CFAP65: variants seen among roughly 807,000 people sequenced by gnomAD.
CFAP65 encodes the protein cilia- and flagella-associated protein 65.
CFAP65 carries 155 observed loss-of-function variants against 208.0 expected under a neutral mutation model. The ratio of observed to expected loss-of-function variants is 0.75; its 90% CI spans 0.65 to 0.85. The LOEUF (loss-of-function observed/expected upper bound fraction) is 0.85, where lower values mean the gene tolerates loss of function less well. Among genes scored for constraint, CFAP65 ranks in the 40% least tolerant of loss-of-function variants. The probability of loss-of-function intolerance (pLI) is 0.00; values close to 1 mark genes in which losing one functional copy is unlikely to be tolerated. For missense variants in CFAP65, 2,294 were observed against 2,451.3 expected, an observed-to-expected ratio of 0.94 and a Z score of 1.36; for synonymous variants, 970 against 986.3, an observed-to-expected ratio of 0.98 and a Z score of 0.31.
chr2:219,038,563 C>A lies in CFAP65; in HGVS notation c.169G>T (p.Ala57Ser). 1 of 1,613,800 alleles carries A rather than the reference C, an allele frequency of 6.2e-7. No homozygotes were observed. The highest frequency in any genetic ancestry group is 8.5e-7 in the Non-Finnish European group (1 of 1,179,830). Residue 57 changes from alanine to serine, a missense_variant, in exon 4 of 35, where the codon GCT becomes TCT. Transcript: ENST00000341552. ...TCCTTGGGACACAGTCCAAAGGGAG[C>A]ACTCTGAGTATGGAGCTGGGAAGAG... Reference protein sequence around the residue: ...KSQIKLHTQSAPFGLCPKDMM... With the variant: ...KSQIKLHTQSSPFGLCPKDMM...
At position 219,006,368 on chromosome 2, in the gene CFAP65, C is replaced by T. The variant is rs376899488; in HGVS notation, c.4719+97G>A. On this transcript the variant is annotated intron_variant, in intron 30 of 34. Transcript: ENST00000341552. The stretch of plus-strand genomic sequence containing the variant: ...TCATTGGCACTTTCATCCCTCCTTT[C>T]TGGGAGTCTGGTCCAGGGGTTGGAG... 124 of 1,530,442 alleles carry T rather than the reference C, an allele frequency of 8.1e-5. 2 individuals carry two copies. The East Asian group carries it at 1.1e-3, about 13-fold the overall frequency. The allele number at this position is 1,530,442 out of a possible 1,614,324, so 94.8% of individuals were successfully genotyped here.
At position 219,032,516 on chromosome 2, in the gene CFAP65, G is replaced by A. The variant is rs749412281; in HGVS notation, c.599C>T (p.Pro200Leu). Residue 200 changes from proline to leucine, a missense_variant, in exon 6 of 35, where the codon CCA (proline) becomes CTA (leucine). Around this residue, in one of 2 missense-constraint regions of CFAP65, gnomAD observed 867 missense variants for 1,012.6 expected, o/e 0.86. Transcript: ENST00000341552. This position sits in a 1 kb window ranked among gnomAD's most constrained non-coding sequence, Gnocchi z 5.5. ...GATGGGGAGCGTGAGGGTTATGCCT[G>A]GGCTCAGGAAGATGGGCTGAGGGAT... ...TVIPQPIFLS[P>L]GITLTLPIVF... 2.5e-6 allele frequency: 4 copies of A among 1,607,274 alleles called. No homozygotes were observed. The Admixed American group carries it at 5.1e-5, about 20-fold the overall frequency.
chr2:219,027,300 T>A (rs1947693707), intron 13 of CFAP65: 9 of 1,428,226 alleles, frequency 6.3e-6, no homozygotes, highest in Middle Eastern at 2.6e-4. Flanking sequence ...TCCTTTAGAG[T>A]GACCACTTCT....
At position 219,029,938 on chromosome 2, in the gene CFAP65, GCAGGGGCTGCTCCTGTCCC is replaced by G. The variant is rs1000239962; in HGVS notation, c.1384+29_1384+47del. On this transcript the variant is annotated intron_variant, in intron 10 of 34. Coordinates refer to ENST00000341552, the MANE Select transcript of CFAP65 (RefSeq NM_194302.4). ...GGGAAGGAGCTCTTCAGAATCCTCA[GCAGGGGCTGCTCCTGTCCC>G]CAGGGGAGGCCCCTGGGGTCACCGG... 19 of 1,555,754 alleles carry G rather than the reference GCAGGGGCTGCTCCTGTCCC, an allele frequency of 1.2e-5. No homozygotes were observed. In the African/African-American group the frequency reaches 2.3e-4, roughly 19 times the overall value.
rs1050295185 is a variant in CFAP65 at position 219,004,844 on chromosome 2, G to A, written c.5052-389C>T. ...GGTGGGGGGGCCGGGGGGGGGGACC[G>A]TGGTGGGATCTTGCAAAGAAGTTCT... On this transcript the variant is annotated intron_variant, in intron 32 of 34. Transcript: ENST00000341552. This position sits in a 1 kb window ranked among gnomAD's most constrained non-coding sequence, Gnocchi z 4.7. Among the ~76,000 whole-genome samples the A allele has an allele frequency of 4.6e-5, 7 of 151,432 alleles. No homozygotes were observed. The highest frequency in any genetic ancestry group is 2.0e-4 in the East Asian group (1 of 5,124).
intron 4 of CFAP65, among the ~76,000 whole-genome samples, chr2:219,036,086 C>T (rs58131656): frequency 6.6e-6 from 1 of 152,062 alleles, no homozygotes; most frequent in Admixed American, 6.5e-5. Flanking sequence ...CTAGCTAGAG[C>T]AGTCTATCCC....
intron 13 of CFAP65, 161 bp downstream of exon 13, chr2:219,027,489 G>T: frequency 6.3e-7 from 1 of 1,582,966 alleles, no homozygotes; most frequent in Non-Finnish European, 8.6e-7. Context: ...CAGGAGCTTT[G>T]GAGGAGACAA....
chr2:219,014,637 C>T (rs1450592312), intron 21 of CFAP65: 3 of 152,398 alleles, frequency 2.0e-5, no homozygotes, highest in Non-Finnish European at 4.4e-5. Flanking sequence ...AAAGGAGAAC[C>T]CATTTCACTC....
chr2:219,013,963 G>C lies in CFAP65; in HGVS notation c.3684C>G (p.His1228Gln), dbSNP rs1229402820. ...EQAELNSTEL[H>Q]QMRVQDNCLF... ...GGCAATTGTCCTGCACGCGCATCTG[G>C]TGGAGCTCAGTGGAATTCAACTCTG... The change falls in exon 22 of 35, where the codon CAC becomes CAG. Residue 1228 changes from histidine (H) to glutamine (Q), a missense_variant. By Grantham distance (24) the His-to-Gln change is conservative. This residue lies in a region of CFAP65 where 1,427 missense variants were observed against 1,438.7 expected (regional missense o/e 0.99). Transcript: ENST00000341552. 1.9e-6 allele frequency: 3 copies of C among 1,613,296 alleles called. No individual in the cohort carries two copies. In the African/African-American group the frequency reaches 4.0e-5, roughly 22 times the overall value.
At chr2:219,027,051 C>T (rs2106204897) in intron 13 of CFAP65, 1 of 1,011,794 alleles carries the variant, frequency 9.9e-7, no homozygotes, top group African/African-American at 1.7e-5. Context: ...TTTCTCTGGG[C>T]CCCAAGACCT....
At chr2:219,010,773 C>T in intron 25 of CFAP65, 32 bp downstream of exon 25, 1 of 1,589,556 alleles carries the variant, frequency 6.3e-7, no homozygotes, top group Non-Finnish European at 8.6e-7. Context: ...CAGCACCACC[C>T]CACCTCCCAC....
At position 219,038,882 on chromosome 2, in the gene CFAP65, A is replaced by G. The variant is rs941507243; in HGVS notation, c.153+14T>C. 4 of 1,597,754 alleles carry G rather than the reference A, an allele frequency of 2.5e-6. No individual in the cohort carries two copies. The highest frequency in any genetic ancestry group is 3.4e-6 in the Non-Finnish European group (4 of 1,171,226). On this transcript the variant is annotated intron_variant, in intron 3 of 34. Transcript: ENST00000341552. ...AGCAAGCTCCAGTGGGTGTTACTGA[A>G]GTGTGTGCATTACCTTTATCTGGCT...
At chr2:219,009,227 C>T (rs894664682) in intron 28 of CFAP65, 73 bp from the exon 29 acceptor site, 15 of 1,487,828 alleles carry the variant, frequency 1.0e-5, no homozygotes, top group Non-Finnish European at 1.4e-5. Context: ...GAGCCCTCTC[C>T]CTTCCAAGGG....
At chr2:219,005,319 C>G in intron 32 of CFAP65, 115 bp downstream of exon 32, 1 of 1,405,552 alleles carries the variant, frequency 7.1e-7, no homozygotes, top group Non-Finnish European at 1.0e-6. Flanking sequence ...AACCTCCATG[C>G]CCCACCAAGT....
chr2:219,027,588 A>C (rs1029722435), intron 13 of CFAP65, 62 bp downstream of exon 13: 8 of 1,613,068 alleles, frequency 5.0e-6, no homozygotes, highest in Non-Finnish European at 6.8e-6. Flanking sequence ...CTGCCACCCC[A>C]CCAAGCCACT....
Position 219,032,674 on chromosome 2 carries a change from C to G in CFAP65, c.543-102G>C. On this transcript the variant is annotated intron_variant, in intron 5 of 34. Coordinates refer to ENST00000341552, the MANE Select transcript of CFAP65 (RefSeq NM_194302.4). This position sits in a 1 kb window ranked among gnomAD's most constrained non-coding sequence, Gnocchi z 5.5. ...CCTGCAGCCAAGGGAGCTTGAGTCC[C>G]TGGGACCACAGAGAAAGCGATCAGG... 1.0e-6 allele frequency: 1 copy of G among 996,986 alleles called. No homozygotes were observed. The highest frequency in any genetic ancestry group is 1.5e-6 in the Non-Finnish European group (1 of 673,358). 61.8% of individuals were successfully genotyped at this position (996,986 alleles called of 1,614,324 possible).
chr2:219,029,082 C>A (rs1216121152), intron 11 of CFAP65, among the ~76,000 whole-genome samples: 1 of 152,172 alleles, frequency 6.6e-6, no homozygotes, highest in Non-Finnish European at 1.5e-5. Flanking sequence ...TCATGGAAGG[C>A]AAAGAAAAGG....
chr2:219,014,049 G>A lies in CFAP65; in HGVS notation c.3603-5C>T. 1 of 1,605,954 alleles carries A rather than the reference G, an allele frequency of 6.2e-7. No homozygotes were observed. The highest frequency in any genetic ancestry group is 8.5e-7 in the Non-Finnish European group (1 of 1,175,224). On this transcript the variant is annotated splice_polypyrimidine_tract_variant and splice_region_variant and intron_variant, in intron 21 of 34. Transcript: ENST00000341552. ...TCACTTGGAAGGAGGAAGGCCCTGG[G>A]AGAGGGGTGCAAAGCCATACAAAGA...
intron 27 of CFAP65, among the ~76,000 whole-genome samples, 159 bp from the exon 28 acceptor site, chr2:219,009,619 A>AATGGGATGGG (rs58969836): frequency 0.022 from 2,240 of 101,184 alleles, 291 homozygotes; most frequent in African/African-American, 0.1. Flanking sequence ...GACAAGATGG[A>AATGGGATGGG]ATGGGATGGG....
Sources: allele counts gnomAD v4.1 joint callset (sites outside exome capture counted in the v4.1 genomes callset), GRCh38; gene constraint gnomAD v4.1.1; regional missense constraint gnomAD v4.1.1; non-coding constraint Gnocchi (gnomAD v3.1); transcripts MANE v1.5; gene names NCBI Gene and HGNC (gene_info 2026-07-23, HGNC 2026-07-21).